Variants in DNAH3 observed in about 807,000 individuals in gnomAD.
The protein encoded by DNAH3 is dynein axonemal heavy chain 3.
A neutral mutation model predicts 432.5 loss-of-function variants in DNAH3; 332 were observed. The ratio of observed to expected loss-of-function variants is 0.77; its 90% CI spans 0.70 to 0.84. The LOEUF is 0.84. DNAH3 is among the 40% of genes least tolerant of loss of function. DNAH3 has a pLI of 0.00. For missense variants in DNAH3, 4,861 were observed against 5,114.0 expected, an observed-to-expected ratio of 0.95 and a Z score of 1.51; for synonymous variants, 1,956 against 1,900.2, an observed-to-expected ratio of 1.03 and a Z score of -0.76.
chr16:20,933,208 G>A (rs1309458277), exon 62 of DNAH3: 3 of 1,614,220 alleles, frequency 1.9e-6, no homozygotes, highest in Admixed American at 1.7e-5. Context: ...AGTGCTTCTG[G>A]GGCATGTCTG....
intron 42 of DNAH3, among the ~76,000 whole-genome samples, chr16:21,002,242 G>A (rs2087056045): frequency 6.6e-6 from 1 of 152,012 alleles, no homozygotes; most frequent in African/African-American, 2.4e-5. Flanking sequence ...TCTACTAACA[G>A]GGACATAAAA....
chr16:20,940,316 C>G (rs1312243236), intron 59 of DNAH3, among the ~76,000 whole-genome samples: 2 of 151,404 alleles, frequency 1.3e-5, no homozygotes, highest in African/African-American at 4.9e-5. Context: ...TCCCGGCTTG[C>G]CTCCCAAAGT....
intron 21 of DNAH3, among the ~76,000 whole-genome samples, chr16:21,071,727 A>AT (rs72216670): frequency 9.9e-5 from 15 of 151,694 alleles, no homozygotes; most frequent in African/African-American, 3.1e-4. Flanking sequence ...ATCTCTAAAA[A>AT]TTTTTTTTTT....
At chr16:21,121,896 T>A in intron 10 of DNAH3, 49 bp downstream of exon 11, 1 of 1,508,794 alleles carries the variant, frequency 6.6e-7, no homozygotes, top group Non-Finnish European at 9.0e-7. Context: ...TACATTTTAT[T>A]CACTAAGTGA....
rs893199705 is a variant in DNAH3, at chr16:21,081,798, A to T, written c.2878-71T>A. ...CTGTCCAGTAGAACCTTCTGTGATG[A>T]TGGAGATGTTCTTTTTATCTGCACT... On this transcript the variant is annotated intron_variant, in intron 19 of 61. Coordinates refer to ENST00000261383, the Ensembl canonical transcript of DNAH3. 1.4e-5 allele frequency: 18 copies of T among 1,304,618 alleles called. No homozygotes were observed. In the African/African-American group the frequency reaches 2.6e-4, roughly 19 times the overall value. 80.8% of individuals were successfully genotyped at this position (1,304,618 alleles called of 1,614,324 possible). A position where few individuals can be genotyped will look rare whatever the true frequency, so the allele number is the denominator to read the frequency against.
rs367920691 is a variant in DNAH3 at position 21,064,713 on chromosome 16, C to T, written c.3519-2030G>A. On this transcript the variant is annotated intron_variant, in intron 24 of 61. Transcript: ENST00000261383. ...ATGGCCATAAGAGTAATAATACATT[C>T]GTATAATTTAAAATTAAAATCTTTT... is the stretch of plus-strand genomic sequence containing the variant. 6.8e-4 allele frequency among the ~76,000 whole-genome samples: 104 copies of T among 152,198 alleles called. 2 individuals are homozygous for T. The highest frequency in any genetic ancestry group is 2.4e-3 in the African/African-American group (99 of 41,536).
intron 49 of DNAH3, 56 bp from the exon 50 acceptor site, chr16:20,979,602 G>A (rs1446302700): frequency 6.7e-7 from 1 of 1,501,162 alleles, no homozygotes; most frequent in Admixed American, 1.7e-5. Context: ...GGGAGATCCA[G>A]TACAGCTTTA....
At chr16:21,128,773 C>T (rs552380722) in intron 7 of DNAH3, among the ~76,000 whole-genome samples, 1 of 149,880 alleles carries the variant, frequency 6.7e-6, no homozygotes, top group Admixed American at 6.7e-5. Context: ...GCAGGAAGAT[C>T]GCTTGAACCC....
Position 21,140,592 on chromosome 16 carries a change from G to C in DNAH3, c.640C>G (p.Gln214Glu). ...TTACTTTCCATTTCCATCTCCTGCT[G>C]TAACATGACATCGAGCTGCTGTTCT... The change falls in exon 5 of 62, where the codon CAG becomes GAG. Residue 214 changes from glutamine to glutamate, a missense_variant. Gln to Glu is a conservative substitution (Grantham distance 29). Transcript: ENST00000261383. The C allele has an allele frequency of 6.2e-7, 1 of 1,613,948 alleles. No individual in the cohort carries two copies. The highest frequency in any genetic ancestry group is 2.2e-5 in the East Asian group (1 of 44,868).
intron 44 of DNAH3, among the ~76,000 whole-genome samples, chr16:20,988,810 C>G (rs1307482149): frequency 6.6e-6 from 1 of 152,146 alleles, no homozygotes; most frequent in Non-Finnish European, 1.5e-5. Context: ...GTTGTTCCTT[C>G]TGATGTTCGA....
chr16:21,154,282 G>C (rs895995110), intron 1 of DNAH3, among the ~76,000 whole-genome samples: 2 of 152,208 alleles, frequency 1.3e-5, no homozygotes, highest in South Asian at 2.1e-4. Flanking sequence ...GCAGGCACCA[G>C]TAATCCCAGC....
chr16:21,117,030 G>C (rs2092220038), intron 12 of DNAH3, among the ~76,000 whole-genome samples, 173 bp downstream of exon 12: 1 of 152,152 alleles, frequency 6.6e-6, no homozygotes, highest in African/African-American at 2.4e-5. Flanking sequence ...GACAGTTAGA[G>C]TTTCCTCATT....
intron 49 of DNAH3, among the ~76,000 whole-genome samples, chr16:20,980,235 TTATATA>T (rs59370460): frequency 9.3e-6 from 1 of 107,214 alleles, no homozygotes; most frequent in Non-Finnish European, 2.1e-5. Context: ...TTTATTTATA[TTATATA>T]TATAATATAC....
At chr16:21,020,274 G>A (rs1216104800) in intron 40 of DNAH3, among the ~76,000 whole-genome samples, 4 of 137,096 alleles carry the variant, frequency 2.9e-5, no homozygotes, top group Admixed American at 7.5e-5. Flanking sequence ...CACCCACCTC[G>A]GCCTCTCAAA....
At chr16:21,097,624 T>C in intron 17 of DNAH3, 125 bp from the exon 18 acceptor site, 1 of 1,192,814 alleles carries the variant, frequency 8.4e-7, no homozygotes, top group South Asian at 1.3e-5. Flanking sequence ...ATCTGGAGAG[T>C]AAGAGAGGAA....
intron 7 of DNAH3, among the ~76,000 whole-genome samples, chr16:21,133,361 CAA>C (rs34385925): frequency 2.0e-4 from 14 of 70,182 alleles, no homozygotes; most frequent in Admixed American, 5.1e-4. Context: ...AGATTCGTCT[CAA>C]AAAAAAAAAA....
chr16:20,989,906 G>C (rs897607865), intron 44 of DNAH3, among the ~76,000 whole-genome samples: 3 of 152,180 alleles, frequency 2.0e-5, no homozygotes, highest in Admixed American at 2.0e-4. Flanking sequence ...TCATTGCCCG[G>C]GGCCGGCAGG....
chr16:21,111,450 T>C (rs2092069579), intron 14 of DNAH3, among the ~76,000 whole-genome samples, 176 bp downstream of exon 14: 1 of 152,168 alleles, frequency 6.6e-6, no homozygotes, highest in Non-Finnish European at 1.5e-5. Context: ...TCGCTTTCTC[T>C]TGACTGTTCA....
At chr16:21,090,052 G>A (rs1272794103) in intron 18 of DNAH3, among the ~76,000 whole-genome samples, 2 of 151,716 alleles carry the variant, frequency 1.3e-5, no homozygotes, top group South Asian at 2.1e-4. Flanking sequence ...ACAACTCAAT[G>A]TACATAAATT....
Sources: allele counts gnomAD v4.1 joint callset (sites outside exome capture counted in the v4.1 genomes callset), GRCh38; gene constraint gnomAD v4.1.1; transcripts MANE v1.5; gene names NCBI Gene and HGNC (gene_info 2026-07-23, HGNC 2026-07-21).